Variants in SLFN11 observed in about 807,000 individuals in gnomAD.
SLFN11 encodes the protein schlafen family member 11.
Under a neutral mutation model 53.4 loss-of-function variants are expected in SLFN11, and 43 were observed. The ratio of observed to expected loss-of-function variants is 0.80; its 90% CI spans 0.63 to 1.04. The LOEUF is 1.04. SLFN11 is among the 50% of genes least tolerant of loss of function. SLFN11 has a pLI of 0.00. For missense variants in SLFN11, 990 were observed against 1,079.1 expected (o/e 0.92, Z 1.16); for synonymous variants, 389 against 394.7 (o/e 0.99, Z 0.17).
Position 35,363,233 on chromosome 17 carries a change from AGGTCAGCAGGATCCGAGTTTG to A in SLFN11, c.554_574del (p.Pro185_Asp191del), listed in dbSNP as rs751520024. On this transcript the variant is annotated inframe_deletion, in exon 4 of 7. Transcript: ENST00000685675. ...TTCAAGATAGTCTTTTTGGAAAATT[AGGTCAGCAGGATCCGAGTTTG>A]GGTCAGCAGGATCCGAGTTAGGGAG... 4.3e-6 allele frequency: 7 copies of A among 1,614,104 alleles called. No individual in the cohort carries two copies. Among genetic ancestry groups the A allele is most frequent in the South Asian group, 1.1e-5 (1 of 91,082 alleles).
chr17:35,360,939 C>T (rs1020671814), intron 4 of SLFN11, among the ~76,000 whole-genome samples: 1 of 152,152 alleles, frequency 6.6e-6, no homozygotes, highest in African/African-American at 2.4e-5. Flanking sequence ...CACTGCACTC[C>T]AGCCTGGGTG....
At chr17:35,353,235 A>C (rs1906983768) in intron 6 of SLFN11, 96 bp from the exon 7 acceptor site, 1 of 1,598,774 alleles carries the variant, frequency 6.3e-7, no homozygotes, top group Non-Finnish European at 8.5e-7. Flanking sequence ...ACATTACCAC[A>C]GATCATTTTA....
At chr17:35,361,671 C>T (rs564170834) in intron 4 of SLFN11, among the ~76,000 whole-genome samples, 1 of 152,136 alleles carries the variant, frequency 6.6e-6, no homozygotes, top group South Asian at 2.1e-4. Context: ...TCAACAATGT[C>T]CTCAAGGATC....
rs559088517 is a variant in SLFN11 at position 35,363,628 on chromosome 17, C to A, written c.180G>T (p.Val60=). The A allele has an allele frequency of 6.2e-7, 1 of 1,613,852 alleles. No homozygotes were observed. The highest frequency in any genetic ancestry group is 1.3e-5 in the African/African-American group (1 of 75,008). The stretch of plus-strand genomic sequence containing the variant: ...GCTCAACCTTCTTGGCCATTCGAAT[C>A]ACTCCTCCTCCTGAGTTTAATAAAG... ...ACALLNSGGG[V]IRMAKKVEHP... Residue 60 remains valine, a synonymous_variant, in exon 4 of 7, where the codon GTG becomes GTT. Transcript: ENST00000685675.
At chr17:35,370,827 T>C (rs1358754341) in intron 1 of SLFN11, among the ~76,000 whole-genome samples, 1 of 151,864 alleles carries the variant, frequency 6.6e-6, no homozygotes, top group Non-Finnish European at 1.5e-5. Flanking sequence ...AGCCAAAATA[T>C]GGAAAGGGGA....
At chr17:35,357,549 A>G (rs551038747) in intron 5 of SLFN11, among the ~76,000 whole-genome samples, 1 of 151,400 alleles carries the variant, frequency 6.6e-6, no homozygotes, top group South Asian at 2.1e-4. Context: ...AAGTTACCCT[A>G]TGTATTTATG....
At position 35,352,817 on chromosome 17, in the gene SLFN11, T is replaced by C. The variant is rs1356809100; in HGVS notation, c.2245A>G (p.Arg749Gly). The change falls in exon 7 of 7, where the codon AGA becomes GGA. Residue 749 changes from arginine (R) to glycine (G), a missense_variant. Physicochemically the swap from Arg to Gly is moderately radical, Grantham distance 125 (BLOSUM62 -2). This residue lies in a region of SLFN11 where 313 missense variants were observed against 320.9 expected (regional missense o/e 0.98). Coordinates refer to ENST00000685675, the MANE Select transcript of SLFN11 (RefSeq NM_001376007.1). ...KYLQKEMQVI[R>G]SNPSFNIPTG... ...GGGATGTTAAATGAAGGATTACTTCTAATTACTTGCATTTCTTTTTGTAAG... is the reference window on the plus strand; with the variant it reads ...GGGATGTTAAATGAAGGATTACTTCCAATTACTTGCATTTCTTTTTGTAAG... 2.5e-6 allele frequency: 4 copies of C among 1,614,266 alleles called. No individual in the cohort carries two copies. In the South Asian group the frequency reaches 3.3e-5, roughly 13 times the overall value.
At chr17:35,366,661 T>A (rs945046817) in intron 3 of SLFN11, among the ~76,000 whole-genome samples, 1 of 152,144 alleles carries the variant, frequency 6.6e-6, no homozygotes, top group Non-Finnish European at 1.5e-5. Context: ...AGGCTTGGAA[T>A]TACAAGTCTC....
chr17:35,365,275 G>T (rs747882412), intron 3 of SLFN11, among the ~76,000 whole-genome samples: 3 of 152,034 alleles, frequency 2.0e-5, no homozygotes, highest in Non-Finnish European at 4.4e-5. Context: ...AGAGGCACTT[G>T]GTATAAAAAC....
In SLFN11 at chr17:35,351,574, T is replaced by G. The variant is rs1906683735; in HGVS notation, c.*782A>C. ...CAATCTTTCCCAAGTCTGGTTCACC[T>G]TAGGGCTGATACACACCTTCAGAAC... On this transcript the variant is annotated 3_prime_UTR_variant, in exon 7 of 7. Coordinates refer to ENST00000685675, the MANE Select transcript of SLFN11 (RefSeq NM_001376007.1). 1 of 152,230 alleles carries G rather than the reference T, an allele frequency of 6.6e-6. No homozygotes were observed. The highest frequency in any genetic ancestry group is 2.4e-5 in the African/African-American group (1 of 41,450). The allele number at this position is 152,230 out of a possible 1,614,324, so 9.4% of individuals were successfully genotyped here. A position where few individuals can be genotyped will look rare whatever the true frequency, so the allele number is the denominator to read the frequency against.
intron 3 of SLFN11, among the ~76,000 whole-genome samples, chr17:35,365,239 T>C (rs940263507): frequency 1.3e-5 from 2 of 151,910 alleles, no homozygotes; most frequent in African/African-American, 4.8e-5. Flanking sequence ...CTCTTTGAGG[T>C]AGGAAATAAA....
At chr17:35,364,922 G>A (rs759633662) in intron 3 of SLFN11, among the ~76,000 whole-genome samples, 1 of 151,916 alleles carries the variant, frequency 6.6e-6, no homozygotes, top group Non-Finnish European at 1.5e-5. Context: ...AAAGGGGAGA[G>A]GTAAAAAGAA....
intron 5 of SLFN11, among the ~76,000 whole-genome samples, chr17:35,358,496 C>A (rs1907802988): frequency 6.6e-6 from 1 of 150,942 alleles, no homozygotes; most frequent in Non-Finnish European, 1.5e-5. Context: ...TAATAGAATG[C>A]CTGTAATCTC....
Position 35,363,141 on chromosome 17 carries a change from A to T in SLFN11, c.667T>A (p.Phe223Ile), listed in dbSNP as rs146144618. ...ATTGTCCTTTTTACATATTCTTGGA[A>T]GTGTTTTGTAGAGAACTGTTTAAAC... ...VEFKQFSTKH[F>I]QEYVKRTIPE... The change falls in exon 4 of 7, where the codon TTC becomes ATC. Residue 223 changes from phenylalanine (F) to isoleucine (I), a missense_variant. Physicochemically the swap from Phe to Ile is conservative, Grantham distance 21. Coordinates refer to ENST00000685675, the MANE Select transcript of SLFN11 (RefSeq NM_001376007.1). 767 of 1,613,814 alleles carry T rather than the reference A, an allele frequency of 4.8e-4. 1 individual carries two copies. The highest frequency in any genetic ancestry group is 6.6e-4 in the Middle Eastern group (4 of 6,060).
chr17:35,364,980 A>G (rs1908775393), intron 3 of SLFN11, among the ~76,000 whole-genome samples: 2 of 152,090 alleles, frequency 1.3e-5, no homozygotes, highest in South Asian at 4.1e-4. Flanking sequence ...TTAAGATGGG[A>G]AAGGCCTGAA....
rs774625714 is a variant in SLFN11, at chr17:35,353,517, G to C, written c.1741C>G (p.Gln581Glu). ...AGGCTTCTGGAGAATATCTCATACT[G>C]CTGGGCTGTGAGCAGATTTAAAACC... ...CEVLNLLTAQ[Q>E]YEIFSRSLRK... The change falls in exon 6 of 7, where the codon CAG becomes GAG. Residue 581 changes from glutamine (Q) to glutamate (E), a missense_variant. Physicochemically the swap from Gln to Glu is conservative, Grantham distance 29. This residue lies in a region of SLFN11 where 156 missense variants were observed against 241.9 expected (regional missense o/e 0.64). Transcript: ENST00000685675. 2.7e-6 allele frequency: 4 copies of C among 1,478,440 alleles called. No individual in the cohort carries two copies. The highest frequency in any genetic ancestry group is 1.3e-5 in the South Asian group (1 of 79,268). 91.6% of individuals were successfully genotyped at this position (1,478,440 alleles called of 1,614,324 possible).
Sources: gnomAD v4.1 joint callset for allele counts (sites outside exome capture counted in the v4.1 genomes callset) on GRCh38, gnomAD v4.1.1 for gene constraint, gnomAD v4.1.1 regional missense constraint, MANE v1.5 for transcripts, NCBI Gene and HGNC (gene_info 2026-07-23, HGNC 2026-07-21) for gene names.